Variants in SMAP1 observed in about 807,000 individuals in gnomAD.
SMAP1 encodes stromal membrane-associated protein 1.
SMAP1 carries 24 observed loss-of-function variants against 58.5 expected under a neutral mutation model. The ratio of observed to expected loss-of-function variants is 0.41; its 90% CI spans 0.30 to 0.58. SMAP1 has a LOEUF of 0.58. SMAP1 is among the 20% of genes least tolerant of loss of function. SMAP1 has a pLI of 0.29. For missense variants in SMAP1, 563 were observed against 566.3 expected (o/e 0.99, Z 0.06); for synonymous variants, 216 against 196.6 (o/e 1.10, Z -0.82).
At chr6:70,786,302 T>C (rs1411230159) in intron 4 of SMAP1, among the ~76,000 whole-genome samples, 1 of 146,064 alleles carries the variant, frequency 6.8e-6, no homozygotes, top group Non-Finnish European at 1.5e-5. Context: ...GGGACGTATC[T>C]CAAAATAATA....
chr6:70,710,757 T>A (rs901346185), intron 1 of SMAP1, among the ~76,000 whole-genome samples: 3 of 152,206 alleles, frequency 2.0e-5, no homozygotes, highest in Non-Finnish European at 4.4e-5. Flanking sequence ...TTTTTAAACT[T>A]CTTGACTCTT....
chr6:70,857,689 G>T, intron 9 of SMAP1: 2 of 533,692 alleles, frequency 3.7e-6, no homozygotes, highest in Non-Finnish European at 6.7e-6. Context: ...TGTTGCATAT[G>T]ATTTACATTT....
intron 2 of SMAP1, among the ~76,000 whole-genome samples, chr6:70,742,113 T>C (rs779027224): frequency 6.6e-6 from 1 of 152,184 alleles, no homozygotes; most frequent in South Asian, 2.1e-4. Flanking sequence ...CTGAGGACAT[T>C]TTCCCCATTG....
chr6:70,808,902 C>CTGTGTGTGTGTGTGTGTGTG (rs35577736), intron 6 of SMAP1, among the ~76,000 whole-genome samples: 1 of 144,678 alleles, frequency 6.9e-6, no homozygotes, highest in East Asian at 2.1e-4. Flanking sequence ...GGCTGTTTCC[C>CTGTGTGTGTGTGTGTGTGTG]TGTGTGTGTG....
chr6:70,756,524 T>C (rs1178138571), intron 3 of SMAP1, among the ~76,000 whole-genome samples: 1 of 152,072 alleles, frequency 6.6e-6, no homozygotes, highest in Non-Finnish European at 1.5e-5. Flanking sequence ...TAAAAAATTG[T>C]GTGAGTAAAA....
intron 2 of SMAP1, among the ~76,000 whole-genome samples, chr6:70,752,745 C>A (rs937678646): frequency 6.6e-6 from 1 of 151,968 alleles, no homozygotes; most frequent in Non-Finnish European, 1.5e-5. Flanking sequence ...CCCCTACCTC[C>A]CACCCTTTTC....
intron 1 of SMAP1, chr6:70,668,559 T>C: frequency 6.5e-7 from 1 of 1,533,514 alleles, no homozygotes; most frequent in South Asian, 1.2e-5. Flanking sequence ...CGCTTAGGTC[T>C]GGATCCCCTC....
chr6:70,792,770 C>G (rs183506827), intron 5 of SMAP1, among the ~76,000 whole-genome samples: 1 of 152,068 alleles, frequency 6.6e-6, no homozygotes, highest in Non-Finnish European at 1.5e-5. Flanking sequence ...ATGAAGGAGC[C>G]TTCTCATGAG....
chr6:70,741,025 G>A (rs940827300), intron 2 of SMAP1, among the ~76,000 whole-genome samples: 1 of 152,168 alleles, frequency 6.6e-6, no homozygotes, highest in Non-Finnish European at 1.5e-5. Flanking sequence ...TTCCCACTGG[G>A]TCTCTCCCAC....
chr6:70,783,692 A>G (rs976340040), intron 4 of SMAP1, among the ~76,000 whole-genome samples: 2 of 152,220 alleles, frequency 1.3e-5, no homozygotes, highest in Non-Finnish European at 2.9e-5. Flanking sequence ...AACTGGAAGA[A>G]AGGGTATCAG....
intron 3 of SMAP1, among the ~76,000 whole-genome samples, chr6:70,763,142 G>A (rs1582134507): frequency 2.3e-5 from 2 of 86,522 alleles, no homozygotes; most frequent in African/African-American, 4.5e-5. Context: ...CGAATTGAAT[G>A]TTGTGGCAAC....
chr6:70,717,084 T>C (rs866611728), intron 1 of SMAP1, among the ~76,000 whole-genome samples: 3 of 152,176 alleles, frequency 2.0e-5, no homozygotes, highest in Non-Finnish European at 4.4e-5. Context: ...TGTTCTTTCT[T>C]AGTGGTCTCC....
chr6:70,717,447 G>A (rs989694118), intron 1 of SMAP1, among the ~76,000 whole-genome samples: 6 of 152,300 alleles, frequency 3.9e-5, no homozygotes, highest in Non-Finnish European at 7.3e-5. Context: ...TCACTCCTTA[G>A]TTAGAAGCTG....
intron 7 of SMAP1, among the ~76,000 whole-genome samples, chr6:70,838,269 A>G (rs1770676353): frequency 6.6e-6 from 1 of 152,182 alleles, no homozygotes; most frequent in African/African-American, 2.4e-5. Context: ...ATAAAATATA[A>G]TCTAGGCCTG....
Position 70,771,162 on chromosome 6 carries a change from G to A in SMAP1, c.339-2188G>A, listed in dbSNP as rs955143021. On this transcript the variant is annotated intron_variant, in intron 3 of 10. Transcript: ENST00000370455. ...TGTGAAGTGACAGTCTGCCCCTACT[G>A]GGGGGTGCCTCCCAGTTAGGCTGCT... Among the ~76,000 whole-genome samples, 6 of 152,280 alleles carry A rather than the reference G, an allele frequency of 3.9e-5. No individual in the cohort carries two copies. The East Asian group carries it at 5.8e-4, about 15-fold the overall frequency.
At chr6:70,671,645 C>G (rs1766270938) in intron 1 of SMAP1, among the ~76,000 whole-genome samples, 2 of 152,194 alleles carry the variant, frequency 1.3e-5, no homozygotes, top group Admixed American at 1.3e-4. Context: ...TTCCCACTAT[C>G]CCCTCTCCCC....
chr6:70,858,426 C>CCCTATTTTA, intron 10 of SMAP1, 197 bp downstream of exon 10: 1 of 513,708 alleles, frequency 1.9e-6, no homozygotes, highest in African/African-American at 2.0e-5. Context: ...GTGTTATTAT[C>CCCTATTTTA]GCTATTTTAG....
chr6:70,861,764 A>T lies in SMAP1; in HGVS notation c.*1430A>T, dbSNP rs1582333510. ...CACACGAGAACCTGAAGGGGAAGGA[A>T]ATAGCTTGGGTAGCGCACTCTTCAT... On this transcript the variant is annotated 3_prime_UTR_variant, in exon 11 of 11. Coordinates refer to ENST00000370455, the MANE Select transcript of SMAP1 (RefSeq NM_001044305.3). The T allele has an allele frequency of 6.2e-7, 1 of 1,614,062 alleles. No homozygotes were observed. Among genetic ancestry groups the T allele is most frequent in the Non-Finnish European group, 8.5e-7 (1 of 1,179,964 alleles).
At chr6:70,828,901 C>G (rs1351594789) in intron 6 of SMAP1, among the ~76,000 whole-genome samples, 1 of 152,122 alleles carries the variant, frequency 6.6e-6, no homozygotes, top group African/African-American at 2.4e-5. Context: ...CAAAAATTAG[C>G]TGGGCATGGC....
Sources: allele counts gnomAD v4.1 joint callset (sites outside exome capture counted in the v4.1 genomes callset), GRCh38; gene constraint gnomAD v4.1.1; transcripts MANE v1.5; gene names NCBI Gene and HGNC (gene_info 2026-07-23, HGNC 2026-07-21).